Variants in CNTNAP3B observed in about 807,000 individuals in gnomAD.
CNTNAP3B encodes the protein contactin-associated protein-like 3B.
Under a neutral mutation model 108.9 loss-of-function variants are expected in CNTNAP3B, and 25 were observed. That is an observed-to-expected ratio of 0.23 (90% CI 0.17 to 0.32). The LOEUF (loss-of-function observed/expected upper bound fraction) is 0.32, where lower values mean the gene tolerates loss of function less well. Among genes scored for constraint, CNTNAP3B ranks in the 10% least tolerant of loss-of-function variants. CNTNAP3B has a pLI of 1.00. For synonymous variants in CNTNAP3B, 103 were observed against 473.4 expected (o/e 0.22, Z 10.16); for missense variants, 252 against 1,210.4 (o/e 0.21, Z 11.75).
intron 1 of CNTNAP3B, among the ~76,000 whole-genome samples, chr9:42,115,154 T>C (rs1293182482): frequency 2.2e-5 from 3 of 138,334 alleles, no homozygotes; most frequent in Non-Finnish European, 4.6e-5. Flanking sequence ...CTTTCAAACA[T>C]TGCTAAATGC....
rs1227295845 is a variant in CNTNAP3B, at chr9:41,943,344, AATTTT to A, written c.2081-4949_2081-4945del. Among the ~76,000 whole-genome samples, 12 of 135,958 alleles carry A rather than the reference AATTTT, an allele frequency of 8.8e-5. No homozygotes were observed. In the East Asian group the frequency reaches 1.9e-3, roughly 21 times the overall value. The allele number at this position is 135,958 out of a possible 152,430, so 89.2% of individuals were successfully genotyped here. ...CATAATATCCAAACTGTTGGACAATAATTTTTTTTTTTTTTTTTTTTTTTTTGAGA... is the reference window on the plus strand; with the variant it reads ...CATAATATCCAAACTGTTGGACAATATTTTTTTTTTTTTTTTTTTTTGAGA... On this transcript the variant is annotated intron_variant, in intron 13 of 23. Transcript: ENST00000377561.
At chr9:41,958,367 C>T (rs990967523) in intron 12 of CNTNAP3B, among the ~76,000 whole-genome samples, 287 of 144,032 alleles carry the variant, frequency 2.0e-3, no homozygotes, top group Non-Finnish European at 3.0e-3. Context: ...AGACTGGTCT[C>T]AAAACTGGTC....
rs567930627 is a variant in CNTNAP3B at position 42,019,806 on chromosome 9, G to A, written c.391-6281C>T. On this transcript the variant is annotated intron_variant, in intron 3 of 23. Coordinates refer to ENST00000377561, the MANE Select transcript of CNTNAP3B (RefSeq NM_001201380.3). ...ACTATGGAATCTAAAGTTTTCTCTA[G>A]CACTAAAAGAGCATGGCCTGAAATA... 4.7e-3 allele frequency among the ~76,000 whole-genome samples: 563 copies of A among 120,888 alleles called. 5 individuals carry two copies. The highest frequency in any genetic ancestry group is 0.018 in the African/African-American group (534 of 30,082). 79.3% of individuals were successfully genotyped at this position (120,888 alleles called of 152,430 possible). A position where few individuals can be genotyped will look rare whatever the true frequency, so the allele number is the denominator to read the frequency against.
intron 3 of CNTNAP3B, among the ~76,000 whole-genome samples, chr9:42,032,995 C>T (rs1026356354): frequency 2.7e-5 from 4 of 145,872 alleles, no homozygotes; most frequent in Non-Finnish European, 6.0e-5. Flanking sequence ...GATATAGTCA[C>T]ATTCAGGGTT....
chr9:41,981,722 C>CAT (rs1167079687), intron 9 of CNTNAP3B, among the ~76,000 whole-genome samples: 1 of 25,808 alleles, frequency 3.9e-5, no homozygotes, highest in Non-Finnish European at 7.1e-5. Flanking sequence ...TTCCTTACAC[C>CAT]ATATACAAAA....
At position 41,966,747 on chromosome 9, in the gene CNTNAP3B, C is replaced by G. The variant is rs530143322; in HGVS notation, c.1650-2103G>C. Among the ~76,000 whole-genome samples the G allele has an allele frequency of 6.6e-5, 10 of 152,292 alleles. No homozygotes were observed. In the South Asian group the frequency reaches 1.0e-3, roughly 16 times the overall value. On this transcript the variant is annotated intron_variant, in intron 10 of 23. Coordinates refer to ENST00000377561, the MANE Select transcript of CNTNAP3B (RefSeq NM_001201380.3). ...CTTTGGGAGGCTGACGCGGGTGGAT[C>G]ACGAGGTCAGGAGATCGAGACCATC...
chr9:42,061,317 CTTTTTT>C (rs57755649), intron 3 of CNTNAP3B, among the ~76,000 whole-genome samples: 2 of 93,072 alleles, frequency 2.1e-5, no homozygotes, highest in Non-Finnish European at 3.9e-5. Context: ...TTTTCTTTTT[CTTTTTT>C]TTTTTTTTTT....
At chr9:41,952,978 G>T (rs1462560785) in intron 13 of CNTNAP3B, among the ~76,000 whole-genome samples, 1 of 152,242 alleles carries the variant, frequency 6.6e-6, no homozygotes, top group Non-Finnish European at 1.5e-5. Context: ...ATATGAACGC[G>T]CTGAACGTCT....
At chr9:41,973,783 A>T (rs2118277448) in intron 9 of CNTNAP3B, among the ~76,000 whole-genome samples, 1 of 137,478 alleles carries the variant, frequency 7.3e-6, no homozygotes, top group East Asian at 2.2e-4. Flanking sequence ...CAGAAAAAAA[A>T]GAATGGACAA....
In CNTNAP3B at chr9:41,950,690, T is replaced by G. The variant is rs541562355; in HGVS notation, c.2080+2493A>C. Among the ~76,000 whole-genome samples the G allele has an allele frequency of 4.7e-5, 7 of 147,654 alleles. No homozygotes were observed. In the East Asian group the frequency reaches 1.4e-3, roughly 30 times the overall value. Reference sequence around the variant, plus strand: ...CATTCTTGAAGTTTAAAAAAACCCATAGAAATGGAGAACATACTAGTGGTT... The same window carrying G: ...CATTCTTGAAGTTTAAAAAAACCCAGAGAAATGGAGAACATACTAGTGGTT... On this transcript the variant is annotated intron_variant, in intron 13 of 23. Coordinates refer to ENST00000377561, the MANE Select transcript of CNTNAP3B (RefSeq NM_001201380.3).
At chr9:42,051,903 G>C (rs538194679) in intron 3 of CNTNAP3B, among the ~76,000 whole-genome samples, 7 of 152,246 alleles carry the variant, frequency 4.6e-5, no homozygotes, top group African/African-American at 7.2e-5. Flanking sequence ...ACTTTTGCCA[G>C]AGTGTAGCAC....
At chr9:42,003,126 C>A (rs1826033701) in intron 4 of CNTNAP3B, among the ~76,000 whole-genome samples, 1 of 138,864 alleles carries the variant, frequency 7.2e-6, no homozygotes, top group South Asian at 2.3e-4. Context: ...TGGGCTCAAG[C>A]AATCTGCCCA....
chr9:42,036,358 G>A (rs575375858), intron 3 of CNTNAP3B, among the ~76,000 whole-genome samples: 6 of 140,484 alleles, frequency 4.3e-5, no homozygotes, highest in Middle Eastern at 3.5e-3. Flanking sequence ...ATATTCACAC[G>A]TATTTTATTT....
At chr9:41,965,368 G>A (rs1355910547) in intron 10 of CNTNAP3B, among the ~76,000 whole-genome samples, 43 of 151,590 alleles carry the variant, frequency 2.8e-4, no homozygotes, top group Admixed American at 2.3e-3. Flanking sequence ...ATCTGCTGCC[G>A]CCCACTATAA....
intron 2 of CNTNAP3B, among the ~76,000 whole-genome samples, chr9:42,087,346 C>A (rs2118653397): frequency 7.5e-6 from 1 of 133,844 alleles, no homozygotes; most frequent in East Asian, 2.3e-4. Flanking sequence ...CCTAAAAGCT[C>A]TTTTATGGAC....
intron 17 of CNTNAP3B, among the ~76,000 whole-genome samples, chr9:41,921,109 G>C (rs1441666968): frequency 1.3e-5 from 2 of 152,256 alleles, no homozygotes; most frequent in Non-Finnish European, 2.9e-5. Flanking sequence ...TGGGCCTAAG[G>C]TGGGGGCCCC....
intron 3 of CNTNAP3B, among the ~76,000 whole-genome samples, chr9:42,043,052 C>A (rs1361252108): frequency 3.4e-5 from 5 of 149,128 alleles, no homozygotes; most frequent in Non-Finnish European, 1.5e-5. Context: ...CTTCCTTAAG[C>A]CCTTTGCTCA....
In CNTNAP3B at chr9:41,951,874, C is replaced by A. The variant is rs1384668365; in HGVS notation, c.2080+1309G>T. Among the ~76,000 whole-genome samples, 8 of 152,198 alleles carry A rather than the reference C, an allele frequency of 5.3e-5. No homozygotes were observed. In the East Asian group the frequency reaches 1.2e-3, roughly 22 times the overall value. ...GGCGGATCACCTGAGGTCAGGAGTT[C>A]AAGAACAGCCTGACCAACACGGTGA... On this transcript the variant is annotated intron_variant, in intron 13 of 23. Coordinates refer to ENST00000377561, the MANE Select transcript of CNTNAP3B (RefSeq NM_001201380.3).
In CNTNAP3B at chr9:41,953,658, A is replaced by AT. The variant is rs1204211082; in HGVS notation, c.1877-273dup. Among the ~76,000 whole-genome samples the AT allele has an allele frequency of 1.0e-3, 149 of 147,512 alleles. 1 individual carries two copies. Among genetic ancestry groups the AT allele is most frequent in the Middle Eastern group, 3.5e-3 (1 of 284 alleles). On this transcript the variant is annotated intron_variant, in intron 12 of 23. Transcript: ENST00000377561. ...CAATGACTTTTTAGTTGTTAAAACCATTTTTTTATATCAACACAAGCATGG... is the reference window on the plus strand; with the variant it reads ...CAATGACTTTTTAGTTGTTAAAACCATTTTTTTTATATCAACACAAGCATGG...
Sources: gnomAD v4.1 joint callset for allele counts (sites outside exome capture counted in the v4.1 genomes callset) on GRCh38, gnomAD v4.1.1 for gene constraint, MANE v1.5 for transcripts, NCBI Gene and HGNC (gene_info 2026-07-23, HGNC 2026-07-21) for gene names.